ASB7: variants seen among roughly 807,000 people sequenced by gnomAD.
The protein encoded by ASB7 is ankyrin repeat and SOCS box protein 7.
A neutral mutation model predicts 32.5 loss-of-function variants in ASB7; 4 were observed. The ratio of observed to expected loss-of-function variants is 0.12; its 90% CI spans 0.06 to 0.28. The LOEUF (loss-of-function observed/expected upper bound fraction) is 0.28. Among genes scored for constraint, ASB7 ranks in the 10% least tolerant of loss-of-function variants. The pLI is 1.00. For synonymous variants in ASB7, 172 were observed against 155.6 expected (o/e 1.11, Z -0.78); for missense variants, 181 against 407.1 (o/e 0.44, Z 4.78).
chr15:100,625,689 C>T (rs1437679306), intron 4 of ASB7, among the ~76,000 whole-genome samples: 2 of 152,078 alleles, frequency 1.3e-5, no homozygotes, highest in African/African-American at 4.8e-5. Flanking sequence ...GAGGACTTGA[C>T]AAGCTGATTC....
chr15:100,638,736 C>G (rs2039941750), intron 5 of ASB7, among the ~76,000 whole-genome samples: 2 of 152,108 alleles, frequency 1.3e-5, no homozygotes, highest in African/African-American at 4.8e-5. Context: ...AGGTTTGTTA[C>G]ATAGGTATAC....
At position 100,621,307 on chromosome 15, in the gene ASB7, C is replaced by T. The variant is rs191947342; in HGVS notation, c.212-8130C>T. 5.3e-5 allele frequency among the ~76,000 whole-genome samples: 8 copies of T among 152,238 alleles called. No individual in the cohort carries two copies. In the East Asian group the frequency reaches 1.3e-3, roughly 26 times the overall value. On this transcript the variant is annotated intron_variant, in intron 4 of 5. Transcript: ENST00000332783. ...AATACTTTCTATACAAAAGTTTCAC[C>T]TTTCCGAATGTCATGATGTAGTTTT...
At chr15:100,616,952 C>T (rs573659845) in intron 4 of ASB7, among the ~76,000 whole-genome samples, 1 of 152,338 alleles carries the variant, frequency 6.6e-6, no homozygotes, top group East Asian at 1.9e-4. Context: ...AAGCTGTGTC[C>T]ATTCTCACCA....
intron 5 of ASB7, chr15:100,646,385 C>T (rs541410797): frequency 1.4e-4 from 55 of 383,706 alleles, no homozygotes; most frequent in Middle Eastern, 9.8e-4. Context: ...GGTTGGGGTG[C>T]GGTGTACTTC....
chr15:100,643,123 G>C (rs941726665), intron 5 of ASB7, among the ~76,000 whole-genome samples: 3 of 152,142 alleles, frequency 2.0e-5, no homozygotes, highest in Non-Finnish European at 4.4e-5. Context: ...GCTCAGCCAG[G>C]GTTGTCTGTC....
intron 5 of ASB7, among the ~76,000 whole-genome samples, chr15:100,642,091 C>A (rs549630507): frequency 1.4e-4 from 21 of 152,266 alleles, no homozygotes; most frequent in Middle Eastern, 6.8e-3. Context: ...TCAGATTCTC[C>A]CAACAACACA....
chr15:100,646,921 C>A (rs1184025158), intron 5 of ASB7, among the ~76,000 whole-genome samples: 1 of 152,132 alleles, frequency 6.6e-6, no homozygotes, highest in Non-Finnish European at 1.5e-5. Context: ...ATTGATGTGA[C>A]TTATCTCAAC....
At chr15:100,612,124 A>C (rs2039701597) in intron 3 of ASB7, 42 bp from the exon 4 acceptor site, 2 of 1,033,280 alleles carry the variant, frequency 1.9e-6, no homozygotes, top group South Asian at 2.8e-5. Context: ...ATCAGGAACC[A>C]GTTATTCTAA....
intron 4 of ASB7, among the ~76,000 whole-genome samples, chr15:100,619,859 A>C (rs1453587908): frequency 6.6e-6 from 1 of 152,214 alleles, no homozygotes; most frequent in East Asian, 1.9e-4. Flanking sequence ...CGTTGAGAAA[A>C]TGAGCGAGTC....
chr15:100,621,024 T>C (rs1036897351), intron 4 of ASB7, among the ~76,000 whole-genome samples: 1 of 152,140 alleles, frequency 6.6e-6, no homozygotes, highest in African/African-American at 2.4e-5. Flanking sequence ...AGAAGAACGG[T>C]GAAAAATATT....
At chr15:100,608,856 G>C (rs2039670418) in intron 2 of ASB7, among the ~76,000 whole-genome samples, 2 of 152,176 alleles carry the variant, frequency 1.3e-5, no homozygotes, top group Non-Finnish European at 2.9e-5. Flanking sequence ...GAAAATTCTG[G>C]TGTGCAGCCA....
intron 4 of ASB7, among the ~76,000 whole-genome samples, chr15:100,626,825 C>T (rs2039843042): frequency 6.6e-6 from 1 of 152,120 alleles, no homozygotes; most frequent in African/African-American, 2.4e-5. Flanking sequence ...GCGGAAACAT[C>T]ATGCAAAGTG....
chr15:100,647,666 G>A (rs2141409887), intron 5 of ASB7, among the ~76,000 whole-genome samples: 1 of 152,248 alleles, frequency 6.6e-6, no homozygotes, highest in South Asian at 2.1e-4. Context: ...ATACCTTGAG[G>A]CGCTTTTTCA....
At chr15:100,608,665 T>G (rs1238238607) in intron 2 of ASB7, among the ~76,000 whole-genome samples, 1 of 152,202 alleles carries the variant, frequency 6.6e-6, no homozygotes, top group Non-Finnish European at 1.5e-5. Context: ...GCTTGCTTTG[T>G]AGGAGTTGTT....
chr15:100,646,450 T>C (rs551324886), intron 5 of ASB7: 6 of 468,728 alleles, frequency 1.3e-5, no homozygotes, highest in South Asian at 6.4e-5. Context: ...CCGTTCCATG[T>C]GTTTGACCAA....
In ASB7 at chr15:100,602,954, G is replaced by T. The variant is rs2039568121; in HGVS notation, c.-365G>T. 2.5e-6 allele frequency: 1 copy of T among 399,072 alleles called. No homozygotes were observed. Among genetic ancestry groups the T allele is most frequent in the African/African-American group, 2.1e-5 (1 of 48,756 alleles). The allele number at this position is 399,072 out of a possible 1,614,324, so 24.7% of individuals were successfully genotyped here. Reference sequence around the variant, plus strand: ...ACCGAGGAGGATCAGGAACACCAGGGTCCGGCCCTGCCTGGGGTATTTCTT... The same window carrying T: ...ACCGAGGAGGATCAGGAACACCAGGTTCCGGCCCTGCCTGGGGTATTTCTT... On this transcript the variant is annotated 5_prime_UTR_variant, in exon 1 of 6. Coordinates refer to ENST00000332783, the MANE Select transcript of ASB7 (RefSeq NM_198243.3).
intron 5 of ASB7, among the ~76,000 whole-genome samples, chr15:100,644,137 A>G (rs2039981806): frequency 6.6e-6 from 1 of 151,984 alleles, no homozygotes; most frequent in Non-Finnish European, 1.5e-5. Context: ...AATCCCAGCT[A>G]CTCGGGAGGC....
At chr15:100,617,007 G>T (rs1345286053) in intron 4 of ASB7, among the ~76,000 whole-genome samples, 1 of 152,196 alleles carries the variant, frequency 6.6e-6, no homozygotes, top group Admixed American at 6.5e-5. Flanking sequence ...TGATTGCCAT[G>T]CCAGAAATCT....
Position 100,609,740 on chromosome 15 carries a change from G to T in ASB7, c.-140G>T, listed in dbSNP as rs563666171. 6.6e-6 allele frequency: 1 copy of T among 152,152 alleles called. No homozygotes were observed. Among genetic ancestry groups the T allele is most frequent in the Non-Finnish European group, 1.5e-5 (1 of 68,020 alleles). The allele number at this position is 152,152 out of a possible 1,614,324, so 9.4% of individuals were successfully genotyped here. On this transcript the variant is annotated 5_prime_UTR_variant, in exon 3 of 6. Transcript: ENST00000332783. ...GGCTTTTTTGCTCTGTAGCCTGGAC[G>T]TACTTTGAAGCCCCTCCCCACGATG... is the stretch of plus-strand genomic sequence containing the variant.
Sources: allele counts gnomAD v4.1 joint callset (sites outside exome capture counted in the v4.1 genomes callset), GRCh38; gene constraint gnomAD v4.1.1; transcripts MANE v1.5; gene names NCBI Gene and HGNC (gene_info 2026-07-23, HGNC 2026-07-21).